Variants in FAT3 observed in about 807,000 individuals in gnomAD.
The protein encoded by FAT3 is protocadherin Fat 3.
A neutral mutation model predicts 310.2 loss-of-function variants in FAT3; 95 were observed. The observed-to-expected ratio is 0.31, with a 90% CI of 0.26 to 0.36. The LOEUF is 0.36. Among genes scored for constraint, FAT3 ranks in the 10% least tolerant of loss-of-function variants. The pLI is 1.00. For synonymous variants in FAT3, 2,314 were observed against 2,192.9 expected, an observed-to-expected ratio of 1.06 and a Z score of -1.54; for missense variants, 5,408 against 5,715.6, an observed-to-expected ratio of 0.95 and a Z score of 1.74.
intron 2 of FAT3, among the ~76,000 whole-genome samples, chr11:92,410,391 G>A (rs567317086): frequency 2.6e-5 from 4 of 152,212 alleles, no homozygotes; most frequent in East Asian, 1.9e-4. Flanking sequence ...ACAGTGGGGA[G>A]CGGGGAGAGA....
At chr11:92,589,941 A>T (rs543837361) in intron 3 of FAT3, among the ~76,000 whole-genome samples, 10 of 152,248 alleles carry the variant, frequency 6.6e-5, no homozygotes, top group Admixed American at 5.2e-4. Flanking sequence ...GGATGTCCAG[A>T]TGCTCATCTT....
At chr11:92,794,298 AC>A (rs1947112342) in intron 9 of FAT3, among the ~76,000 whole-genome samples, 1 of 152,168 alleles carries the variant, frequency 6.6e-6, no homozygotes, top group African/African-American at 2.4e-5. Flanking sequence ...ATGTCACCTA[AC>A]CCAACAACTC....
intron 3 of FAT3, among the ~76,000 whole-genome samples, chr11:92,671,980 G>T (rs568685902): frequency 1.3e-5 from 2 of 152,066 alleles, no homozygotes; most frequent in Non-Finnish European, 2.9e-5. Flanking sequence ...TTACCTGGGC[G>T]TGGTGGTGGG....
chr11:92,828,060 G>A (rs1948145047), intron 13 of FAT3, among the ~76,000 whole-genome samples: 1 of 152,060 alleles, frequency 6.6e-6, no homozygotes, highest in Admixed American at 6.5e-5. Flanking sequence ...ATACCTTAAT[G>A]TAACACATCA....
intron 2 of FAT3, chr11:92,400,616 TGAA>T (rs1208109390): frequency 6.6e-6 from 1 of 152,040 alleles, no homozygotes; most frequent in Admixed American, 6.6e-5. Context: ...AACAGCGCTA[TGAA>T]GGAGGTACTT....
At chr11:92,511,789 G>C (rs1953299484) in intron 2 of FAT3, among the ~76,000 whole-genome samples, 1 of 152,214 alleles carries the variant, frequency 6.6e-6, no homozygotes, top group Admixed American at 6.5e-5. Flanking sequence ...ATTAAAGGAA[G>C]AGTTGGCCCT....
At chr11:92,701,881 G>T (rs558217975) in intron 4 of FAT3, among the ~76,000 whole-genome samples, 71 of 152,114 alleles carry the variant, frequency 4.7e-4, no homozygotes, top group Admixed American at 5.2e-4. Flanking sequence ...TTGTTGTTTT[G>T]GGTGGGTGTT....
At chr11:92,806,246 AT>A in intron 11 of FAT3, 115 bp from the exon 12 acceptor site, 1 of 969,782 alleles carries the variant, frequency 1.0e-6, no homozygotes, top group Non-Finnish European at 1.5e-6. Context: ...AAGGAAAAAA[AT>A]AACAAAAGCT....
chr11:92,337,835 AT>A (rs1056077859), intron 1 of FAT3, among the ~76,000 whole-genome samples: 1 of 152,222 alleles, frequency 6.6e-6, no homozygotes, highest in Non-Finnish European at 1.5e-5. Flanking sequence ...CCTTATTAAT[AT>A]CATTTACTCT....
chr11:92,372,000 C>G (rs997138819), intron 2 of FAT3, among the ~76,000 whole-genome samples: 8 of 152,180 alleles, frequency 5.3e-5, no homozygotes, highest in African/African-American at 1.9e-4. Context: ...CACAACAATA[C>G]TCAGCCTGTT....
Position 92,840,643 on chromosome 11 carries a change from T to C in FAT3, c.10450T>C (p.Phe3484Leu). 1 of 1,613,094 alleles carries C rather than the reference T, an allele frequency of 6.2e-7. No homozygotes were observed. Among genetic ancestry groups the C allele is most frequent in the Non-Finnish European group, 8.5e-7 (1 of 1,179,126 alleles). ...DSFHNGPPFS[F>L]SILSGNEEEE... is the part of the protein sequence containing the mutation. ...CTTTCACAATGGGCCTCCCTTTTCA[T>C]TCTCTATTTTGTCGGGAAATGAAGA... Residue 3484 changes from phenylalanine (F) to leucine (L), a missense_variant, in exon 18 of 28, where the codon TTC becomes CTC. Phe to Leu is a conservative substitution (Grantham distance 22). Transcript: ENST00000525166.
chr11:92,792,389 C>T (rs372218394), intron 8 of FAT3, among the ~76,000 whole-genome samples: 1 of 152,110 alleles, frequency 6.6e-6, no homozygotes, highest in African/African-American at 2.4e-5. Flanking sequence ...TTTAATTGCT[C>T]CTGCAGAGGA....
At chr11:92,264,916 G>C (rs1375238897) in intron 1 of FAT3, among the ~76,000 whole-genome samples, 1 of 151,978 alleles carries the variant, frequency 6.6e-6, no homozygotes, top group Non-Finnish European at 1.5e-5. Flanking sequence ...ATCTCCTTGG[G>C]TAAAGAGGAT....
chr11:92,805,161 C>T lies in FAT3; in HGVS notation c.8905C>T (p.Pro2969Ser), dbSNP rs757127395. 4.4e-6 allele frequency: 7 copies of T among 1,607,220 alleles called. No individual in the cohort carries two copies. The highest frequency in any genetic ancestry group is 6.0e-6 in the Non-Finnish European group (7 of 1,175,872). The change falls in exon 11 of 28, where the codon CCT (proline) becomes TCT (serine). Residue 2969 changes from proline (P) to serine (S), a missense_variant. By Grantham distance (74) the Pro-to-Ser change is moderately conservative. Around this residue, in one of 5 missense-constraint regions of FAT3, gnomAD observed 4,588 missense variants for 4,809.8 expected, o/e 0.95. Transcript: ENST00000525166. ...TGTTTTTTTAACTGCAGGAGGAAAC[C>T]CTCGAGGAAGGTTTGCTCTGGGCCT... ...QVSYHITGGNPRGRFALGLVQ... is the reference protein window; with the variant it reads ...QVSYHITGGNSRGRFALGLVQ...
chr11:92,773,612 G>C (rs1946516898), intron 6 of FAT3, among the ~76,000 whole-genome samples: 1 of 152,024 alleles, frequency 6.6e-6, no homozygotes, highest in Non-Finnish European at 1.5e-5. Context: ...TCCTGGAATA[G>C]ATTTTAAATG....
chr11:92,560,533 CT>C (rs1280970200), intron 3 of FAT3, among the ~76,000 whole-genome samples: 4 of 151,968 alleles, frequency 2.6e-5, no homozygotes, highest in Non-Finnish European at 5.9e-5. Flanking sequence ...AAATTTACCC[CT>C]GTGTTTTCCT....
At chr11:92,718,486 G>A (rs1944757548) in intron 4 of FAT3, among the ~76,000 whole-genome samples, 1 of 152,122 alleles carries the variant, frequency 6.6e-6, no homozygotes, top group Non-Finnish European at 1.5e-5. Flanking sequence ...CCCACATGTG[G>A]AGCAGACAGG....
chr11:92,667,780 T>G (rs748450570), intron 3 of FAT3, among the ~76,000 whole-genome samples: 1 of 152,232 alleles, frequency 6.6e-6, no homozygotes, highest in Non-Finnish European at 1.5e-5. Context: ...ACTGCCACTT[T>G]CACTCACTCC....
At chr11:92,289,232 C>T (rs998239806) in intron 1 of FAT3, among the ~76,000 whole-genome samples, 8 of 152,056 alleles carry the variant, frequency 5.3e-5, no homozygotes, top group African/African-American at 1.2e-4. Context: ...TCTCTTGGGT[C>T]GGATGATTCC....
Sources: allele counts gnomAD v4.1 joint callset (sites outside exome capture counted in the v4.1 genomes callset), GRCh38; gene constraint gnomAD v4.1.1; regional missense constraint gnomAD v4.1.1; transcripts MANE v1.5; gene names NCBI Gene and HGNC (gene_info 2026-07-23, HGNC 2026-07-21).